MAP3K2: variants seen among roughly 807,000 people sequenced by gnomAD.
MAP3K2 encodes the protein MAP/ERK kinase kinase 2.
Under a neutral mutation model 80.3 loss-of-function variants are expected in MAP3K2, and 24 were observed. The ratio of observed to expected loss-of-function variants is 0.30; its 90% CI spans 0.22 to 0.42. The LOEUF is 0.42. MAP3K2 is among the 10% of genes least tolerant of loss of function. MAP3K2 has a pLI of 1.00. For missense variants in MAP3K2, 608 were observed against 750.1 expected (o/e 0.81, Z 2.21); for synonymous variants, 244 against 253.7 (o/e 0.96, Z 0.36).
In MAP3K2 at chr2:127,343,173, TC is replaced by T; in HGVS notation, c.-45del. 1.3e-6 allele frequency: 2 copies of T among 1,522,556 alleles called. No individual in the cohort carries two copies. The highest frequency in any genetic ancestry group is 1.8e-6 in the Non-Finnish European group (2 of 1,120,576). The allele number at this position is 1,522,556 out of a possible 1,614,324, so 94.3% of individuals were successfully genotyped here. On this transcript the variant is annotated 5_prime_UTR_variant, in exon 2 of 17. It removes the in-frame stop codon of an upstream open reading frame in the 5' UTR. Transcript: ENST00000682094. ...AATTTGAAAATTAGGAAAATGGTTC[TC>T]CCATCAGCATTCTTTATGGCCTGAG... is the stretch of plus-strand genomic sequence containing the variant.
rs960790047 is a variant in MAP3K2 at position 127,339,809 on chromosome 2, A to T, written c.5-759T>A. On this transcript the variant is annotated intron_variant, in intron 2 of 16. Transcript: ENST00000682094. This position sits in a 1 kb window ranked among gnomAD's most constrained non-coding sequence, Gnocchi z 4.2. ...ATAAGCTCTCCAGAAGACATCAGGG[A>T]CAACTTAATTTATTTTCACTAGTAA... Among the ~76,000 whole-genome samples the T allele has an allele frequency of 3.9e-5, 6 of 152,218 alleles. No homozygotes were observed. The highest frequency in any genetic ancestry group is 4.4e-5 in the Non-Finnish European group (3 of 68,038).
chr2:127,361,758 A>G (rs1032784306), intron 1 of MAP3K2, among the ~76,000 whole-genome samples: 4 of 152,220 alleles, frequency 2.6e-5, no homozygotes, highest in African/African-American at 9.6e-5. Context: ...TGAGTTTTTA[A>G]TATTTCCTTA....
chr2:127,317,595 G>T, intron 14 of MAP3K2, 34 bp downstream of exon 14: 3 of 1,471,800 alleles, frequency 2.0e-6, no homozygotes, highest in South Asian at 1.4e-5. Flanking sequence ...ATTTTAAATA[G>T]AATGTGTATT....
At chr2:127,341,334 C>T (rs908583154) in intron 2 of MAP3K2, among the ~76,000 whole-genome samples, 1 of 151,672 alleles carries the variant, frequency 6.6e-6, no homozygotes, top group Non-Finnish European at 1.5e-5. Context: ...AAATAAGTAC[C>T]GTTTTCTGTT....
At position 127,298,944 on chromosome 2, in the gene MAP3K2, ATT is replaced by A. The variant is rs71691763; in HGVS notation, c.*8633_*8634del. On this transcript the variant is annotated 3_prime_UTR_variant, in exon 17 of 17. Coordinates refer to ENST00000682094, the MANE Select transcript of MAP3K2 (RefSeq NM_001371910.2). The stretch of plus-strand genomic sequence containing the variant: ...ATAAACATGGTTTCTTTTATATTAG[ATT>A]TTTTTTTAAAAAAAAGCTATTTACC... 5.3e-5 allele frequency: 8 copies of A among 151,692 alleles called. No individual in the cohort carries two copies. The highest frequency in any genetic ancestry group is 9.7e-5 in the African/African-American group (4 of 41,416). 9.4% of individuals were successfully genotyped at this position (151,692 alleles called of 1,614,324 possible). A position where few individuals can be genotyped will look rare whatever the true frequency, so the allele number is the denominator to read the frequency against.
At chr2:127,325,271 T>C (rs536000498) in intron 9 of MAP3K2, among the ~76,000 whole-genome samples, 46 of 152,358 alleles carry the variant, frequency 3.0e-4, no homozygotes, top group Non-Finnish European at 5.3e-4. Context: ...CAAAAATTCA[T>C]CTGCCGTCAT....
At chr2:127,331,941 C>T (rs1376920915) in intron 5 of MAP3K2, among the ~76,000 whole-genome samples, 5 of 152,166 alleles carry the variant, frequency 3.3e-5, no homozygotes, top group East Asian at 3.8e-4. Flanking sequence ...CTGCCAAACA[C>T]GAATATAAAG....
At chr2:127,317,499 C>G in intron 14 of MAP3K2, 130 bp downstream of exon 14, 1 of 688,692 alleles carries the variant, frequency 1.5e-6, no homozygotes, top group Middle Eastern at 4.2e-4. Flanking sequence ...CTACTCAGCT[C>G]TAATTTAAAA....
chr2:127,317,522 G>T, intron 14 of MAP3K2, 107 bp downstream of exon 14: 1 of 900,050 alleles, frequency 1.1e-6, no homozygotes, highest in South Asian at 2.1e-5. Context: ...CTTCCAAAAT[G>T]TCCTTAACTA....
At chr2:127,378,152 C>T in intron 1 of MAP3K2, 1 of 984,122 alleles carries the variant, frequency 1.0e-6, no homozygotes, top group Non-Finnish European at 1.2e-6. Flanking sequence ...AAATGGAGAT[C>T]TAAAAAACTA....
chr2:127,387,270 G>A (rs72848635), intron 1 of MAP3K2, among the ~76,000 whole-genome samples, 182 bp downstream of exon 1: 4,858 of 152,206 alleles, frequency 0.032, 121 homozygotes, highest in Middle Eastern at 0.058. Context: ...ACTGGATGCA[G>A]GGGGCCCAAG....
chr2:127,374,652 T>C (rs1687119705), intron 1 of MAP3K2, among the ~76,000 whole-genome samples: 1 of 152,230 alleles, frequency 6.6e-6, no homozygotes, highest in Non-Finnish European at 1.5e-5. Context: ...GATATGTACA[T>C]GTATCCATTG....
intron 15 of MAP3K2, among the ~76,000 whole-genome samples, chr2:127,312,105 T>A (rs1205605755): frequency 6.6e-6 from 1 of 152,258 alleles, no homozygotes; most frequent in Non-Finnish European, 1.5e-5. Flanking sequence ...TGATGCTGTA[T>A]TCTAGACAGT....
At chr2:127,370,324 T>C (rs1687041695) in intron 1 of MAP3K2, among the ~76,000 whole-genome samples, 3 of 152,178 alleles carry the variant, frequency 2.0e-5, no homozygotes, top group Admixed American at 2.0e-4. Flanking sequence ...GTGTCTGAGT[T>C]CATTTGTTCA....
intron 1 of MAP3K2, among the ~76,000 whole-genome samples, chr2:127,349,336 TG>T (rs2104857379): frequency 6.6e-6 from 1 of 152,150 alleles, no homozygotes; most frequent in East Asian, 1.9e-4. Context: ...TTTTTGTTTT[TG>T]TTTTTGTTTT....
chr2:127,315,741 C>A (rs1243643846), intron 14 of MAP3K2, among the ~76,000 whole-genome samples: 1 of 152,150 alleles, frequency 6.6e-6, no homozygotes, highest in East Asian at 1.9e-4. Flanking sequence ...GAGTTCAAGA[C>A]CAGCCTGGCC....
chr2:127,376,610 G>A (rs1687156093), intron 1 of MAP3K2, among the ~76,000 whole-genome samples: 1 of 152,102 alleles, frequency 6.6e-6, no homozygotes, highest in Non-Finnish European at 1.5e-5. Context: ...TCCCAAAGTG[G>A]GACCCAAAGT....
chr2:127,301,510 C>T lies in MAP3K2; in HGVS notation c.*6069G>A, dbSNP rs1417355476. ...TTATAATTTTTATACTATTAGCTTACAAGTGGACAGAAGTAACAGTGCTAA... is the reference window on the plus strand; with the variant it reads ...TTATAATTTTTATACTATTAGCTTATAAGTGGACAGAAGTAACAGTGCTAA... On this transcript the variant is annotated 3_prime_UTR_variant, in exon 17 of 17. Coordinates refer to ENST00000682094, the MANE Select transcript of MAP3K2 (RefSeq NM_001371910.2). 6.6e-6 allele frequency: 1 copy of T among 152,122 alleles called. No homozygotes were observed. The highest frequency in any genetic ancestry group is 1.5e-5 in the Non-Finnish European group (1 of 68,020). 9.4% of individuals were successfully genotyped at this position (152,122 alleles called of 1,614,324 possible).
intron 7 of MAP3K2, among the ~76,000 whole-genome samples, chr2:127,328,822 T>A (rs1341777132): frequency 6.6e-6 from 1 of 152,218 alleles, no homozygotes; most frequent in Non-Finnish European, 1.5e-5. Context: ...ACAATCCTCT[T>A]CTGTTACCAA....
Sources: gnomAD v4.1 joint callset for allele counts (sites outside exome capture counted in the v4.1 genomes callset) on GRCh38, gnomAD v4.1.1 for gene constraint, Gnocchi (gnomAD v3.1) non-coding constraint, MANE v1.5 for transcripts, NCBI Gene and HGNC (gene_info 2026-07-23, HGNC 2026-07-21) for gene names.